Variants in ZNF81 observed in about 807,000 individuals in gnomAD.
The protein encoded by ZNF81 is zinc finger protein 81.
In ZNF81, 5 loss-of-function variants were observed where a neutral mutation model predicts 32.3. That is an observed-to-expected ratio of 0.15 (90% CI 0.08 to 0.33). The LOEUF is 0.33. Among genes scored for constraint, ZNF81 ranks in the 10% least tolerant of loss-of-function variants. The probability of loss-of-function intolerance (pLI) is 1.00; values close to 1 mark genes in which losing one functional copy is unlikely to be tolerated. For missense variants in ZNF81, 379 were observed against 479.8 expected (o/e 0.79, Z 1.96); for synonymous variants, 163 against 166.8 (o/e 0.98, Z 0.17).
intron 2 of ZNF81, among the ~76,000 whole-genome samples, chrX:47,871,698 C>T (rs1469929177): frequency 9.0e-6 from 1 of 111,528 alleles, no homozygotes; most frequent in Non-Finnish European, 1.9e-5. Flanking sequence ...AGATAGTGCA[C>T]CGATAAATGC....
chrX:47,870,943 T>C (rs1887801), intron 2 of ZNF81, among the ~76,000 whole-genome samples: 46,079 of 111,127 alleles, frequency 0.41, 7,504 homozygotes, highest in East Asian at 0.6. Context: ...AGGAATTGTA[T>C]TGTTAGCTAA....
At chrX:47,870,633 C>G (rs1556883785) in intron 2 of ZNF81, among the ~76,000 whole-genome samples, 1 of 112,399 alleles carries the variant, frequency 8.9e-6, no homozygotes, top group African/African-American at 3.2e-5. Flanking sequence ...GGCAAAACTT[C>G]AGGGCATTGA....
At chrX:47,864,408 C>G (rs1370760446) in intron 2 of ZNF81, among the ~76,000 whole-genome samples, 3 of 112,024 alleles carry the variant, frequency 2.7e-5, no homozygotes, top group East Asian at 5.6e-4. Context: ...AACAGCACCA[C>G]TTTTACCTGA....
intron 2 of ZNF81, among the ~76,000 whole-genome samples, chrX:47,847,176 C>T (rs1232734329): frequency 8.9e-6 from 1 of 112,051 alleles, no homozygotes; most frequent in African/African-American, 3.2e-5. Context: ...ACGTACTCTA[C>T]GTGTGTTCAC....
chrX:47,893,664 A>G (rs1168218218), intron 3 of ZNF81, among the ~76,000 whole-genome samples: 1 of 109,901 alleles, frequency 9.1e-6, no homozygotes, highest in Non-Finnish European at 1.9e-5. Flanking sequence ...TTTCTTATAA[A>G]CAGCTGCTTA....
rs1408740926 is a variant in ZNF81, at chrX:47,923,503, G to A, written c.*6871G>A. ...GTTTCCAACAAGTGTTTTAATGGAG[G>A]ACTTGTCCAAATTAGACATCAATTC... On this transcript the variant is annotated 3_prime_UTR_variant, in exon 5 of 5. Transcript: ENST00000338637. Among the ~76,000 whole-genome samples, 7 of 111,967 alleles carry A rather than the reference G, an allele frequency of 6.3e-5. No individual in the cohort carries two copies. The highest frequency in any genetic ancestry group is 2.3e-4 in the African/African-American group (7 of 30,768).
At chrX:47,838,321 A>G (rs1242072722) in intron 1 of ZNF81, among the ~76,000 whole-genome samples, 2 of 111,608 alleles carry the variant, frequency 1.8e-5, no homozygotes, top group Non-Finnish European at 3.8e-5. Flanking sequence ...TTCCCTTATT[A>G]CACTGGCAAG....
At position 47,846,275 on chromosome X, in the gene ZNF81, C is replaced by T. The variant is rs183846665; in HGVS notation, c.8C>T (p.Ala3Val). ...TCCAAGTCCGTCGGGAACATGCCAG[C>T]TAACGAGGACGCTCCCCAGCCAGGG... MPANEDAPQPGEH... is the reference protein window; with the variant it reads MPVNEDAPQPGEH... Residue 3 changes from alanine (A) to valine (V), a missense_variant, in exon 2 of 5, where the codon GCT becomes GTT. Ala to Val is a moderately conservative substitution (Grantham distance 64). Coordinates refer to ENST00000338637, the MANE Select transcript of ZNF81 (RefSeq NM_007137.5). 0.016 allele frequency: 19,487 copies of T among 1,207,460 alleles called. 136 individuals carry two copies. The highest frequency in any genetic ancestry group is 0.02 in the Non-Finnish European group (17,920 of 894,526).
intron 2 of ZNF81, among the ~76,000 whole-genome samples, chrX:47,880,468 C>T (rs2058616392): frequency 8.9e-6 from 1 of 112,235 alleles, no homozygotes; most frequent in African/African-American, 3.2e-5. Context: ...CCCACCTTGG[C>T]CTCCCAAAGT....
chrX:47,881,759 T>G (rs1403624544), intron 2 of ZNF81, among the ~76,000 whole-genome samples: 1 of 109,682 alleles, frequency 9.1e-6, no homozygotes, highest in Non-Finnish European at 1.9e-5. Flanking sequence ...CCTGAATATA[T>G]TTCAATATAT....
intron 4 of ZNF81, among the ~76,000 whole-genome samples, chrX:47,911,621 C>T (rs1457506061): frequency 9.0e-6 from 1 of 111,469 alleles, no homozygotes; most frequent in Non-Finnish European, 1.9e-5. Context: ...AAAAATTATA[C>T]TGAGAGGAAT....
At chrX:47,883,338 A>T (rs782449971) in intron 2 of ZNF81, among the ~76,000 whole-genome samples, 14 of 112,076 alleles carry the variant, frequency 1.2e-4, no homozygotes, top group Non-Finnish European at 5.6e-5. Context: ...ATTTTCTCCC[A>T]GTCTGTGGCT....
In ZNF81 at chrX:47,888,118, C is replaced by G. The variant is rs782811841; in HGVS notation, c.174C>G (p.Leu58=). Residue 58 remains leucine, a synonymous_variant, in exon 3 of 5, where the codon CTC becomes CTG. Coordinates refer to ENST00000338637, the MANE Select transcript of ZNF81 (RefSeq NM_007137.5). ...TGTTGGAGAACTACAGCCACCTGCT[C>G]TCAGTGGGTAAGGACAACCATCCTG... ...DVMLENYSHL[L]SVGFEVPKPE... 2.5e-6 allele frequency: 3 copies of G among 1,209,026 alleles called. No homozygotes were observed. Among genetic ancestry groups the G allele is most frequent in the East Asian group, 3.0e-5 (1 of 33,759 alleles).
intron 2 of ZNF81, among the ~76,000 whole-genome samples, chrX:47,876,639 A>G (rs187627216): frequency 8.9e-6 from 1 of 112,398 alleles, no homozygotes; most frequent in African/African-American, 3.2e-5. Context: ...TAGAAAAGAA[A>G]GCATAGGCAA....
At chrX:47,888,365 C>T (rs1038509117) in intron 3 of ZNF81, among the ~76,000 whole-genome samples, 4 of 110,613 alleles carry the variant, frequency 3.6e-5, no homozygotes, top group South Asian at 3.8e-4. Flanking sequence ...CACATACGCA[C>T]GCACACACAC....
At chrX:47,910,104 A>G (rs1468969670) in intron 4 of ZNF81, among the ~76,000 whole-genome samples, 72 of 111,929 alleles carry the variant, frequency 6.4e-4, no homozygotes, top group African/African-American at 2.2e-3. Context: ...CATGATTTAT[A>G]GTCCTTTGGG....
intron 1 of ZNF81, among the ~76,000 whole-genome samples, chrX:47,839,949 C>T (rs933963396): frequency 5.4e-5 from 6 of 110,257 alleles, no homozygotes; most frequent in African/African-American, 1.7e-4. Flanking sequence ...TTTTAAAGCT[C>T]ATCAGCTATC....
In ZNF81 at chrX:47,923,982, A is replaced by G. The variant is rs1603214479; in HGVS notation, c.*7350A>G. Among the ~76,000 whole-genome samples the G allele has an allele frequency of 9.0e-6, 1 of 111,314 alleles. No homozygotes were observed. Among genetic ancestry groups the G allele is most frequent in the African/African-American group, 3.3e-5 (1 of 30,590 alleles). ...CCAGATGCTTGGCTGCAGGCTCACA[A>G]AAGCTTCTCATGGACTTCTCCACCA... On this transcript the variant is annotated 3_prime_UTR_variant, in exon 5 of 5. Coordinates refer to ENST00000338637, the MANE Select transcript of ZNF81 (RefSeq NM_007137.5).
chrX:47,877,317 A>G (rs376391431), intron 2 of ZNF81, among the ~76,000 whole-genome samples: 44 of 111,560 alleles, frequency 3.9e-4, no homozygotes, highest in African/African-American at 1.4e-3. Context: ...AGGGGCGTGT[A>G]TGGTGGCCTT....
Sources: gnomAD v4.1 joint callset for allele counts (sites outside exome capture counted in the v4.1 genomes callset) on GRCh38, gnomAD v4.1.1 for gene constraint, MANE v1.5 for transcripts, NCBI Gene and HGNC (gene_info 2026-07-23, HGNC 2026-07-21) for gene names.